Variants in COL28A1 observed in about 807,000 individuals in gnomAD.
COL28A1 encodes collagen type XXVIII alpha 1 chain.
A neutral mutation model predicts 150.2 loss-of-function variants in COL28A1; 161 were observed. The observed-to-expected ratio is 1.07, with a 90% confidence interval of 0.94 to 1.22. The LOEUF (loss-of-function observed/expected upper bound fraction) is 1.22, where lower values mean the gene tolerates loss of function less well. COL28A1 is among the 50% of genes most tolerant of loss of function. The pLI, the probability that COL28A1 is intolerant of heterozygous loss-of-function variation, is 0.00. For synonymous variants in COL28A1, 552 were observed against 469.7 expected (o/e 1.18, Z -2.26); for missense variants, 1,617 against 1,388.3 (o/e 1.16, Z -2.62).
chr7:7,505,844 C>G (rs1477810742), intron 11 of COL28A1, among the ~76,000 whole-genome samples, 170 bp downstream of exon 11: 1 of 152,224 alleles, frequency 6.6e-6, no homozygotes, highest in African/African-American at 2.4e-5. Flanking sequence ...ATGCTGCTAA[C>G]TTCCTGAATG....
chr7:7,363,126 G>C (rs752202181), intron 33 of COL28A1, among the ~76,000 whole-genome samples: 35 of 152,300 alleles, frequency 2.3e-4, no homozygotes, highest in Non-Finnish European at 4.0e-4. Flanking sequence ...AGTTTGAGGA[G>C]TAAGTTTATC....
intron 11 of COL28A1, among the ~76,000 whole-genome samples, chr7:7,492,238 C>T (rs1779952598): frequency 6.6e-6 from 1 of 151,878 alleles, no homozygotes; most frequent in Non-Finnish European, 1.5e-5. Context: ...ACCTAATGAC[C>T]AGAGCAATGT....
At chr7:7,408,807 T>G (rs1262873635) in intron 27 of COL28A1, among the ~76,000 whole-genome samples, 2 of 152,160 alleles carry the variant, frequency 1.3e-5, no homozygotes, top group Non-Finnish European at 2.9e-5. Flanking sequence ...AAGACCTCAC[T>G]TTATATACCT....
rs113063489 is a variant in COL28A1, at chr7:7,367,485, G to A, written c.3066+3240C>T. ...AGAGACAAGAGGCACTATCCGAGAA[G>A]GTCAAGTTCATTGCAAGGTCCCACT... is the stretch of plus-strand genomic sequence containing the variant. On this transcript the variant is annotated intron_variant, in intron 33 of 34. Transcript: ENST00000399429. 3.0e-3 allele frequency among the ~76,000 whole-genome samples: 452 copies of A among 152,264 alleles called. 6 individuals carry two copies. Among genetic ancestry groups the A allele is most frequent in the African/African-American group, 0.01 (432 of 41,538 alleles).
At chr7:7,494,563 C>T (rs1368570656) in intron 11 of COL28A1, among the ~76,000 whole-genome samples, 1 of 152,192 alleles carries the variant, frequency 6.6e-6, no homozygotes, top group East Asian at 1.9e-4. Flanking sequence ...CACACAACAC[C>T]TGTTTAATAT....
chr7:7,416,570 A>G (rs936708441), intron 27 of COL28A1, among the ~76,000 whole-genome samples: 2 of 152,236 alleles, frequency 1.3e-5, no homozygotes, highest in Non-Finnish European at 2.9e-5. Context: ...CACAGAATTT[A>G]AAGATTAAGT....
chr7:7,389,976 C>G (rs1782438925), intron 27 of COL28A1, among the ~76,000 whole-genome samples: 2 of 152,012 alleles, frequency 1.3e-5, no homozygotes, highest in Admixed American at 1.3e-4. Flanking sequence ...ATTTGAATAC[C>G]CTTTATTTCT....
intron 33 of COL28A1, among the ~76,000 whole-genome samples, chr7:7,363,615 T>C (rs1780781810): frequency 6.6e-6 from 1 of 152,142 alleles, no homozygotes; most frequent in South Asian, 2.1e-4. Context: ...CTCCTAAAGA[T>C]AGTCATTGTT....
intron 23 of COL28A1, 84 bp from the exon 24 acceptor site, chr7:7,432,784 T>A: frequency 8.0e-6 from 8 of 997,408 alleles, no homozygotes; most frequent in Non-Finnish European, 1.3e-5. Context: ...CAACTCAATA[T>A]GCCAACGGTC....
At chr7:7,466,348 G>C (rs1449024659) in intron 15 of COL28A1, among the ~76,000 whole-genome samples, 7 of 146,482 alleles carry the variant, frequency 4.8e-5, no homozygotes, top group Non-Finnish European at 1.1e-4. Flanking sequence ...TGGAAGAAAG[G>C]GTTATCAGCA....
chr7:7,370,703 A>C, intron 33 of COL28A1, 22 bp downstream of exon 33: 1 of 1,592,106 alleles, frequency 6.3e-7, no homozygotes, highest in South Asian at 1.1e-5. Flanking sequence ...AAGCTCACAA[A>C]GTAAGTGAGA....
At chr7:7,374,042 T>TATAC (rs1562490293) in intron 31 of COL28A1, among the ~76,000 whole-genome samples, 3 of 124,628 alleles carry the variant, frequency 2.4e-5, no homozygotes, top group South Asian at 2.2e-4. Context: ...AAAAAAAATA[T>TATAC]ATATATATAT....
At chr7:7,398,419 T>G (rs1782971626) in intron 27 of COL28A1, among the ~76,000 whole-genome samples, 2 of 152,226 alleles carry the variant, frequency 1.3e-5, no homozygotes, top group South Asian at 4.1e-4. Context: ...TATTTGCCAA[T>G]AATCTCAGCA....
At chr7:7,427,012 G>C (rs750506968) in intron 25 of COL28A1, among the ~76,000 whole-genome samples, 1 of 152,180 alleles carries the variant, frequency 6.6e-6, no homozygotes, top group Non-Finnish European at 1.5e-5. Flanking sequence ...GGTGATGTGG[G>C]CAATGAATGT....
intron 27 of COL28A1, among the ~76,000 whole-genome samples, chr7:7,405,225 A>G (rs1326860624): frequency 1.3e-5 from 2 of 152,190 alleles, no homozygotes; most frequent in Non-Finnish European, 2.9e-5. Context: ...ATTTTGAAGG[A>G]CATATTAGCA....
chr7:7,530,990 C>T (rs964123217), intron 3 of COL28A1, among the ~76,000 whole-genome samples: 2 of 152,102 alleles, frequency 1.3e-5, no homozygotes, highest in African/African-American at 4.8e-5. Flanking sequence ...ACAAATATAG[C>T]CTAACACCTC....
At chr7:7,453,605 T>A in intron 16 of COL28A1, 97 bp from the exon 17 acceptor site, 1 of 708,730 alleles carries the variant, frequency 1.4e-6, no homozygotes, top group Non-Finnish European at 2.4e-6. Flanking sequence ...ATAAGTTACT[T>A]ACACTCAATA....
chr7:7,364,991 G>A (rs1780859627), intron 33 of COL28A1, among the ~76,000 whole-genome samples: 1 of 152,064 alleles, frequency 6.6e-6, no homozygotes, highest in Admixed American at 6.5e-5. Context: ...AATTCCTCTA[G>A]ACTTTAACGT....
At chr7:7,411,385 T>C (rs530342056) in intron 27 of COL28A1, among the ~76,000 whole-genome samples, 1 of 152,264 alleles carries the variant, frequency 6.6e-6, no homozygotes, top group Admixed American at 6.5e-5. Flanking sequence ...CTCTGCAAGG[T>C]GAGCTGACCC....
Sources: allele counts gnomAD v4.1 joint callset (sites outside exome capture counted in the v4.1 genomes callset), GRCh38; gene constraint gnomAD v4.1.1; transcripts MANE v1.5; gene names NCBI Gene and HGNC (gene_info 2026-07-23, HGNC 2026-07-21).